Variants in DPP6 observed in about 807,000 individuals in gnomAD.
The protein encoded by DPP6 is dipeptidyl peptidase like 6.
DPP6 carries 69 observed loss-of-function variants against 122.6 expected under a neutral mutation model. The observed-to-expected ratio is 0.56, with a 90% confidence interval of 0.46 to 0.69. DPP6 has a LOEUF of 0.69. DPP6 is among the 30% of genes least tolerant of loss of function. DPP6 has a pLI of 0.00. For missense variants in DPP6, 928 were observed against 1,116.9 expected (o/e 0.83, Z 2.41); for synonymous variants, 418 against 433.1 (o/e 0.97, Z 0.43).
At chr7:153,947,719 C>G (rs555371104) in intron 1 of DPP6, among the ~76,000 whole-genome samples, 2 of 151,992 alleles carry the variant, frequency 1.3e-5, no homozygotes, top group Admixed American at 1.3e-4. Flanking sequence ...TGAGGGTGAT[C>G]GGTGGGAACC....
intron 1 of DPP6, among the ~76,000 whole-genome samples, chr7:154,090,896 G>A (rs536922784): frequency 2.6e-4 from 39 of 148,976 alleles, no homozygotes; most frequent in Admixed American, 1.7e-3. Flanking sequence ...CGAGGCGGGC[G>A]GATCACAAAG....
chr7:154,575,403 GT>G (rs1831542927), intron 5 of DPP6, among the ~76,000 whole-genome samples: 3 of 121,186 alleles, frequency 2.5e-5, no homozygotes, highest in East Asian at 6.9e-4. Context: ...TAGTGTGTGT[GT>G]GGTGTTTGTG....
intron 4 of DPP6, among the ~76,000 whole-genome samples, chr7:154,561,032 A>C (rs1830391445): frequency 6.6e-6 from 1 of 152,232 alleles, no homozygotes; most frequent in African/African-American, 2.4e-5. Flanking sequence ...ATAATGATAA[A>C]GGAGTAAGTT....
At chr7:154,276,976 T>C (rs1563403963) in intron 1 of DPP6, among the ~76,000 whole-genome samples, 1 of 152,182 alleles carries the variant, frequency 6.6e-6, no homozygotes, top group Non-Finnish European at 1.5e-5. Flanking sequence ...TTGGGAACCC[T>C]ACACAGCACT....
the DPP6 span, among the ~76,000 whole-genome samples, chr7:153,803,488 C>G: frequency 4.0e-3 from 610 of 152,032 alleles, no homozygotes; most frequent in African/African-American, 0.012. Flanking sequence ...GATGCTTCAC[C>G]TCATCTTCTC....
rs1586885301 is a variant in DPP6, at chr7:154,684,697, C to A, written c.762+15256C>A. 5.3e-5 allele frequency among the ~76,000 whole-genome samples: 8 copies of A among 152,282 alleles called. 1 individual carries two copies. Among genetic ancestry groups the A allele is most frequent in the Admixed American group, 4.6e-4 (7 of 15,296 alleles). On this transcript the variant is annotated intron_variant, in intron 7 of 25. Coordinates refer to ENST00000377770, the MANE Select transcript of DPP6 (RefSeq NM_130797.4). ...CCAGGCTCACCAGTTTCTAGTTACC[C>A]TTCAGATAAAAAGGTTATGATTGCA...
chr7:154,159,073 C>T (rs958369831), intron 1 of DPP6, among the ~76,000 whole-genome samples: 3 of 152,102 alleles, frequency 2.0e-5, no homozygotes, highest in African/African-American at 4.8e-5. Context: ...GGTTTTTGCC[C>T]AGGTGCCTGG....
chr7:154,696,379 C>G (rs1008757940), intron 7 of DPP6, among the ~76,000 whole-genome samples: 1 of 152,138 alleles, frequency 6.6e-6, no homozygotes, highest in Non-Finnish European at 1.5e-5. Flanking sequence ...CCTGGTCTGC[C>G]CAGAGCAGTC....
intron 7 of DPP6, among the ~76,000 whole-genome samples, chr7:154,717,406 C>A (rs1052375612): frequency 2.0e-5 from 3 of 151,460 alleles, no homozygotes; most frequent in African/African-American, 7.3e-5. Flanking sequence ...ACACACGCAC[C>A]CTTCCCAGCA....
At chr7:154,733,119 G>C (rs1312137146) in intron 8 of DPP6, among the ~76,000 whole-genome samples, 1 of 152,222 alleles carries the variant, frequency 6.6e-6, no homozygotes, top group African/African-American at 2.4e-5. Flanking sequence ...GCCCCCAAGA[G>C]AGACTGTCTT....
At chr7:154,066,364 A>T (rs1802725147) in intron 1 of DPP6, among the ~76,000 whole-genome samples, 1 of 152,026 alleles carries the variant, frequency 6.6e-6, no homozygotes. Context: ...CCAGCCTCAG[A>T]TTTTTTTACA....
chr7:154,722,205 C>G (rs1402351450), intron 7 of DPP6, among the ~76,000 whole-genome samples: 3 of 152,174 alleles, frequency 2.0e-5, no homozygotes, highest in Non-Finnish European at 2.9e-5. Flanking sequence ...CCAAAAACAA[C>G]AACAACAAAA....
intron 1 of DPP6, among the ~76,000 whole-genome samples, chr7:154,253,327 A>T (rs6464393): frequency 0.049 from 7,492 of 152,286 alleles, 620 homozygotes; most frequent in African/African-American, 0.17. Context: ...GAAATAAGCA[A>T]AAGTGAATGC....
chr7:154,782,857 CA>C (rs1452771104), intron 10 of DPP6, among the ~76,000 whole-genome samples: 3 of 152,036 alleles, frequency 2.0e-5, no homozygotes, highest in African/African-American at 7.2e-5. Context: ...GATCTCGGCT[CA>C]CTGCAACCTC....
intron 1 of DPP6, among the ~76,000 whole-genome samples, chr7:154,181,312 C>T (rs894053741): frequency 1.3e-5 from 2 of 152,162 alleles, no homozygotes; most frequent in Non-Finnish European, 2.9e-5. Context: ...ACACTACTGT[C>T]CAGAGAGTGG....
intron 1 of DPP6, among the ~76,000 whole-genome samples, chr7:154,079,549 G>A (rs1803838089): frequency 6.6e-6 from 1 of 152,164 alleles, no homozygotes; most frequent in Non-Finnish European, 1.5e-5. Flanking sequence ...AGTGATTCTG[G>A]GGACCTAGAG....
intron 1 of DPP6, among the ~76,000 whole-genome samples, chr7:154,083,760 A>T (rs1384888494): frequency 6.6e-6 from 1 of 150,954 alleles, no homozygotes; most frequent in Non-Finnish European, 1.5e-5. Context: ...CCCAGGTTCC[A>T]TGCAGTGCCT....
chr7:154,024,325 TTTC>T (rs1205932566), intron 1 of DPP6, among the ~76,000 whole-genome samples: 2 of 152,212 alleles, frequency 1.3e-5, no homozygotes, highest in African/African-American at 4.8e-5. Flanking sequence ...GTGTATTATT[TTTC>T]TTGTCACCCA....
intron 1 of DPP6, among the ~76,000 whole-genome samples, chr7:154,307,494 A>G (rs1352988976): frequency 6.7e-6 from 1 of 148,218 alleles, no homozygotes; most frequent in Non-Finnish European, 1.5e-5. Flanking sequence ...CCCCACCCCC[A>G]CCATGAAGTA....
Sources: allele counts gnomAD v4.1 joint callset (sites outside exome capture counted in the v4.1 genomes callset), GRCh38; gene constraint gnomAD v4.1.1; transcripts MANE v1.5; gene names NCBI Gene and HGNC (gene_info 2026-07-23, HGNC 2026-07-21).